Variants in KSR1 observed in about 807,000 individuals in gnomAD.
KSR1 encodes the protein kinase suppressor of ras.
A neutral mutation model predicts 92.9 loss-of-function variants in KSR1; 35 were observed. The observed-to-expected ratio is 0.38, with a 90% confidence interval of 0.29 to 0.50. The LOEUF is 0.50. Among genes scored for constraint, KSR1 ranks in the 20% least tolerant of loss-of-function variants. KSR1 has a pLI of 0.94. For missense variants in KSR1, 972 were observed against 1,158.5 expected, an observed-to-expected ratio of 0.84 and a Z score of 2.34; for synonymous variants, 467 against 472.6, an observed-to-expected ratio of 0.99 and a Z score of 0.15.
intron 1 of KSR1, among the ~76,000 whole-genome samples, chr17:27,469,182 G>C (rs1356721532): frequency 2.0e-5 from 3 of 152,060 alleles, no homozygotes; most frequent in Non-Finnish European, 4.4e-5. Flanking sequence ...TGCCCTTCCC[G>C]GCTCTTCTCT....
At chr17:27,544,686 G>C (rs914416748) in intron 1 of KSR1, among the ~76,000 whole-genome samples, 1 of 152,210 alleles carries the variant, frequency 6.6e-6, no homozygotes, top group African/African-American at 2.4e-5. Context: ...CTTGCTGCTG[G>C]TCCCATCCCT....
At chr17:27,467,842 G>T (rs536742411) in intron 1 of KSR1, among the ~76,000 whole-genome samples, 4 of 145,930 alleles carry the variant, frequency 2.7e-5, no homozygotes, top group South Asian at 2.1e-4. Context: ...ACGGAGTCTC[G>T]CTCTGTCCCC....
At chr17:27,472,834 G>A (rs1488082997) in intron 1 of KSR1, among the ~76,000 whole-genome samples, 4 of 152,106 alleles carry the variant, frequency 2.6e-5, no homozygotes, top group Non-Finnish European at 4.4e-5. Flanking sequence ...TGGAATGGAA[G>A]GCCAGAATCC....
chr17:27,590,839 G>T lies in KSR1; in HGVS notation c.1075G>T (p.Val359Phe). 1 of 1,611,900 alleles carries T rather than the reference G, an allele frequency of 6.2e-7. No homozygotes were observed. Among genetic ancestry groups the T allele is most frequent in the Non-Finnish European group, 8.5e-7 (1 of 1,179,194 alleles). Residue 359 changes from valine (V) to phenylalanine (F), a missense_variant, in exon 7 of 21, where the codon GTC (valine) becomes TTC (phenylalanine). Val to Phe is a conservative substitution (Grantham distance 50). Transcript: ENST00000644974. ...CTCCACCAAGTCCTGGCTGTCGCAG[G>T]TCTGCCACGTGTGCCAGAAGAGCAT... Reference protein sequence around the residue: ...RFSTKSWLSQVCHVCQKSMIF... With the variant: ...RFSTKSWLSQFCHVCQKSMIF...
chr17:27,585,006 G>A (rs549923840), intron 4 of KSR1, among the ~76,000 whole-genome samples: 8 of 152,260 alleles, frequency 5.3e-5, no homozygotes, highest in African/African-American at 1.4e-4. Context: ...GCGCAATCTC[G>A]GCTCACTGCA....
At chr17:27,612,525 C>G (rs2073949698) in intron 18 of KSR1, 1 of 152,164 alleles carries the variant, frequency 6.6e-6, no homozygotes, top group African/African-American at 2.4e-5. Context: ...CATGGCTTTC[C>G]CAGGCCCGAT....
At position 27,568,322 on chromosome 17, in the gene KSR1, C is replaced by T. The variant is rs73983472; in HGVS notation, c.373-9170C>T. ...TGGACAGACCACCCCAAAGGACAGA[C>T]CTCACGTGCTAAACACTGGGACATG... On this transcript the variant is annotated intron_variant, in intron 2 of 20. Coordinates refer to ENST00000644974, the MANE Select transcript of KSR1 (RefSeq NM_001394583.1). Among the ~76,000 whole-genome samples, 747 of 152,336 alleles carry T rather than the reference C, an allele frequency of 4.9e-3. 6 individuals carry two copies. Among genetic ancestry groups the T allele is most frequent in the African/African-American group, 0.017 (692 of 41,566 alleles).
chr17:27,523,373 T>C (rs1182383459), intron 1 of KSR1, among the ~76,000 whole-genome samples: 2 of 136,742 alleles, frequency 1.5e-5, no homozygotes, highest in East Asian at 2.0e-4. Flanking sequence ...AATGATACCA[T>C]TTCTGTAAGG....
At chr17:27,476,039 G>A (rs2068332719) in intron 1 of KSR1, among the ~76,000 whole-genome samples, 1 of 152,128 alleles carries the variant, frequency 6.6e-6, no homozygotes, top group Non-Finnish European at 1.5e-5. Context: ...CTTTATTATT[G>A]CTATAATTGC....
chr17:27,543,655 G>T (rs1018288186), intron 1 of KSR1, among the ~76,000 whole-genome samples: 3 of 152,214 alleles, frequency 2.0e-5, no homozygotes, highest in Non-Finnish European at 4.4e-5. Context: ...CGAGCAGCTG[G>T]GGTGGCAGAT....
At chr17:27,590,967 C>A in intron 7 of KSR1, 73 bp downstream of exon 7, 1 of 1,289,484 alleles carries the variant, frequency 7.8e-7, no homozygotes, top group Non-Finnish European at 1.1e-6. Context: ...CTTCCCTATG[C>A]TTGCTATTCA....
At chr17:27,601,477 C>A in intron 11 of KSR1, 76 bp downstream of exon 11, 1 of 1,257,360 alleles carries the variant, frequency 8.0e-7, no homozygotes, top group Non-Finnish European at 1.2e-6. Flanking sequence ...GCAGGGCGCC[C>A]TCTCTCTGGG....
intron 1 of KSR1, among the ~76,000 whole-genome samples, chr17:27,496,230 A>G (rs2068981054): frequency 6.6e-6 from 1 of 152,056 alleles, no homozygotes; most frequent in Non-Finnish European, 1.5e-5. Flanking sequence ...CCTAAGGGAG[A>G]TGCCTCATCT....
chr17:27,471,029 C>A (rs1452478643), intron 1 of KSR1, among the ~76,000 whole-genome samples: 1 of 152,062 alleles, frequency 6.6e-6, no homozygotes. Context: ...CACACTACAC[C>A]CAGCTAATTA....
chr17:27,485,201 A>G (rs1363044752), intron 1 of KSR1, among the ~76,000 whole-genome samples: 1 of 152,156 alleles, frequency 6.6e-6, no homozygotes, highest in African/African-American at 2.4e-5. Context: ...CTTCTCTCAC[A>G]TGAGTCATCT....
intron 1 of KSR1, among the ~76,000 whole-genome samples, chr17:27,494,414 A>T (rs1167120568): frequency 6.6e-6 from 1 of 152,164 alleles, no homozygotes; most frequent in African/African-American, 2.4e-5. Context: ...GTAACTGGGA[A>T]GCTTGCCTCT....
rs528899359 is a variant in KSR1, at chr17:27,459,603, T to C, written c.231+2729T>C. Among the ~76,000 whole-genome samples the C allele has an allele frequency of 6.6e-6, 1 of 152,360 alleles. No individual in the cohort carries two copies. Among genetic ancestry groups the C allele is most frequent in the East Asian group, 1.9e-4 (1 of 5,188 alleles). ...CACACCAGGCCGTGGCCCCAGAGAC[T>C]GTGCTTGCAACACTGGATTCCTGGC... On this transcript the variant is annotated intron_variant, in intron 1 of 20. Coordinates refer to ENST00000644974, the MANE Select transcript of KSR1 (RefSeq NM_001394583.1). This position sits in a 1 kb window ranked among gnomAD's most constrained non-coding sequence, Gnocchi z 4.6.
chr17:27,536,847 T>A (rs1253388474), intron 1 of KSR1, among the ~76,000 whole-genome samples: 1 of 152,232 alleles, frequency 6.6e-6, no homozygotes, highest in Non-Finnish European at 1.5e-5. Flanking sequence ...TCTAGGAGAC[T>A]CTATACTCTG....
At chr17:27,617,052 G>A (rs564906737) in intron 18 of KSR1, among the ~76,000 whole-genome samples, 55 of 152,148 alleles carry the variant, frequency 3.6e-4, no homozygotes, top group Admixed American at 3.6e-3. Flanking sequence ...TTATTTTGGG[G>A]TGAGCATGGA....
Sources: allele counts gnomAD v4.1 joint callset (sites outside exome capture counted in the v4.1 genomes callset), GRCh38; gene constraint gnomAD v4.1.1; non-coding constraint Gnocchi (gnomAD v3.1); transcripts MANE v1.5; gene names NCBI Gene and HGNC (gene_info 2026-07-23, HGNC 2026-07-21).